The following OSBP2 variants were observed in gnomAD, a reference collection of about 807,000 sequenced individuals.
The protein encoded by OSBP2 is oxysterol binding protein 2.
OSBP2 carries 66 observed loss-of-function variants against 96.0 expected under a neutral mutation model. The observed-to-expected ratio is 0.69, with a 90% CI of 0.56 to 0.84. The LOEUF is 0.84. Among genes scored for constraint, OSBP2 ranks in the 40% least tolerant of loss-of-function variants. The pLI, the probability that OSBP2 is intolerant of heterozygous loss-of-function variation, is 0.00. For missense variants in OSBP2, 1,038 were observed against 1,222.7 expected (o/e 0.85, Z 2.25); for synonymous variants, 525 against 520.9 (o/e 1.01, Z -0.11).
intron 2 of OSBP2, among the ~76,000 whole-genome samples, chr22:30,835,292 G>A (rs1215345099): frequency 6.6e-6 from 1 of 152,042 alleles, no homozygotes; most frequent in African/African-American, 2.4e-5. Context: ...CTTGCATTTA[G>A]ATCTATGATT....
upstream of OSBP2, chr22:30,694,474 C>T (rs2088982055): frequency 1.7e-6 from 2 of 1,198,374 alleles, no homozygotes; most frequent in East Asian, 2.6e-5. Flanking sequence ...GAGAGCGAAC[C>T]CACCCCAGCC....
chr22:30,834,866 A>T (rs2038600771), intron 2 of OSBP2, among the ~76,000 whole-genome samples: 1 of 148,946 alleles, frequency 6.7e-6, no homozygotes, highest in African/African-American at 2.5e-5. Context: ...CCCAGGCTGG[A>T]GTGCAGTGGC....
chr22:30,830,425 A>G (rs1416182870), intron 2 of OSBP2, among the ~76,000 whole-genome samples: 1 of 152,258 alleles, frequency 6.6e-6, no homozygotes, highest in Non-Finnish European at 1.5e-5. Flanking sequence ...CTGACCTGGC[A>G]TGGCCATCAG....
At chr22:30,832,289 T>A (rs2038539098) in intron 2 of OSBP2, among the ~76,000 whole-genome samples, 1 of 152,110 alleles carries the variant, frequency 6.6e-6, no homozygotes, top group Non-Finnish European at 1.5e-5. Flanking sequence ...TTTTTCTTTT[T>A]TCTTTTCTTT....
Position 30,889,526 on chromosome 22 carries a change from T to C in OSBP2, c.1513T>C (p.Ser505Pro). ...DGASLVPKGS[S>P]KVKRRVRIPN... ...TGCCTCGCTCGTGCCCAAGGGTTCA[T>C]CCAAAGTCAAGAGGCGAGTCCGCAT... The change falls in exon 7 of 14, where the codon TCC becomes CCC. Residue 505 changes from serine (S) to proline (P), a missense_variant. Coordinates refer to ENST00000332585, the MANE Select transcript of OSBP2 (RefSeq NM_030758.4). The C allele has an allele frequency of 1.2e-6, 2 of 1,614,058 alleles. No homozygotes were observed. Among genetic ancestry groups the C allele is most frequent in the East Asian group, 4.5e-5 (2 of 44,874 alleles).
intron 2 of OSBP2, among the ~76,000 whole-genome samples, chr22:30,746,061 A>T (rs2089995494): frequency 6.6e-6 from 1 of 152,176 alleles, no homozygotes; most frequent in Non-Finnish European, 1.5e-5. Context: ...GTAATCAAAG[A>T]TCTTGAAACT....
intron 2 of OSBP2, among the ~76,000 whole-genome samples, chr22:30,763,637 G>T (rs79865585): frequency 3.1e-5 from 4 of 130,978 alleles, no homozygotes; most frequent in South Asian, 2.5e-4. Flanking sequence ...CAGAGTGACA[G>T]AAAAAAAAAA....
chr22:30,695,398 G>A lies in OSBP2; in HGVS notation c.489G>A (p.Gly163=), dbSNP rs568471024. 2 of 1,613,920 alleles carry A rather than the reference G, an allele frequency of 1.2e-6. No homozygotes were observed. Among genetic ancestry groups the A allele is most frequent in the East Asian group, 2.2e-5 (1 of 44,878 alleles). ...LRPGQAKTPL[G]VPMSGTGTTS... is the part of the protein sequence containing the mutation. Reference sequence around the variant, plus strand: ...CAGGACAGGCGAAGACTCCTCTTGGGGTTCCAATGTCGGGGACTGGCACGA... The same window carrying A: ...CAGGACAGGCGAAGACTCCTCTTGGAGTTCCAATGTCGGGGACTGGCACGA... Residue 163 remains glycine, a synonymous_variant, in exon 1 of 14, where the codon GGG becomes GGA. Coordinates refer to ENST00000332585, the MANE Select transcript of OSBP2 (RefSeq NM_030758.4).
At chr22:30,721,649 G>A (rs566715315) in intron 1 of OSBP2, among the ~76,000 whole-genome samples, 26 of 152,168 alleles carry the variant, frequency 1.7e-4, no homozygotes, top group African/African-American at 6.0e-4. Flanking sequence ...TTCATCTATT[G>A]TTTGTGTCAG....
At chr22:30,698,008 T>C (rs1382499914) in intron 1 of OSBP2, among the ~76,000 whole-genome samples, 1 of 152,108 alleles carries the variant, frequency 6.6e-6, no homozygotes, top group African/African-American at 2.4e-5. Context: ...CCACTTGAGA[T>C]GTTTGACGCC....
chr22:30,869,976 G>T (rs577871194), intron 2 of OSBP2, among the ~76,000 whole-genome samples: 2 of 152,316 alleles, frequency 1.3e-5, no homozygotes, highest in South Asian at 4.1e-4. Flanking sequence ...CTGGACGGGG[G>T]TGATTGGCTT....
intron 2 of OSBP2, among the ~76,000 whole-genome samples, chr22:30,868,700 C>A (rs2039397292): frequency 6.6e-6 from 1 of 152,140 alleles, no homozygotes. Flanking sequence ...TGGATGCTGA[C>A]CCAAGCCCCT....
intron 2 of OSBP2, among the ~76,000 whole-genome samples, chr22:30,744,110 T>C (rs1295380782): frequency 6.6e-6 from 1 of 152,226 alleles, no homozygotes; most frequent in African/African-American, 2.4e-5. Flanking sequence ...GGAAAAGCCT[T>C]CAGACGGCTA....
intron 12 of OSBP2, among the ~76,000 whole-genome samples, chr22:30,905,332 C>A (rs191945756): frequency 6.6e-6 from 1 of 151,252 alleles, no homozygotes; most frequent in East Asian, 2.0e-4. Context: ...TTAGTAGAAA[C>A]GGGCTTTCAC....
chr22:30,713,103 G>A (rs2089382948), intron 1 of OSBP2, among the ~76,000 whole-genome samples: 1 of 141,320 alleles, frequency 7.1e-6, no homozygotes, highest in Non-Finnish European at 1.5e-5. Context: ...TTTTGAGACA[G>A]AGTCTCACTC....
chr22:30,825,645 T>C (rs980523886), intron 2 of OSBP2, among the ~76,000 whole-genome samples: 1 of 152,216 alleles, frequency 6.6e-6, no homozygotes, highest in African/African-American at 2.4e-5. Flanking sequence ...CAGATCTGTG[T>C]TGGACTCATG....
chr22:30,786,182 C>T (rs1402612605), intron 2 of OSBP2, among the ~76,000 whole-genome samples: 2 of 152,024 alleles, frequency 1.3e-5, no homozygotes, highest in Non-Finnish European at 2.9e-5. Context: ...CCACCACACC[C>T]AGCTAATTTT....
chr22:30,783,753 T>C (rs1326215382), intron 2 of OSBP2, among the ~76,000 whole-genome samples: 1 of 152,176 alleles, frequency 6.6e-6, no homozygotes, highest in Non-Finnish European at 1.5e-5. Context: ...TTACGGCGAT[T>C]TCTTAGAAAT....
chr22:30,695,218 G>A lies in OSBP2; in HGVS notation c.309G>A (p.Gly103=). ...GGCAGCCATCGGAACTGCTGCAGGG[G>A]TCGCGGCCGGGGTCAGAGTCAAGCT... ...GAGQPSELLQ[G]SRPGSESSSG... Residue 103 remains glycine, a synonymous_variant, in exon 1 of 14, where the codon GGG becomes GGA. Coordinates refer to ENST00000332585, the MANE Select transcript of OSBP2 (RefSeq NM_030758.4). The A allele has an allele frequency of 6.2e-7, 1 of 1,613,298 alleles. No individual in the cohort carries two copies. Among genetic ancestry groups the A allele is most frequent in the Non-Finnish European group, 8.5e-7 (1 of 1,179,684 alleles).
Sources: gnomAD v4.1 joint callset for allele counts (sites outside exome capture counted in the v4.1 genomes callset) on GRCh38, gnomAD v4.1.1 for gene constraint, MANE v1.5 for transcripts, NCBI Gene and HGNC (gene_info 2026-07-23, HGNC 2026-07-21) for gene names.